MNAT1: variants seen among roughly 807,000 people sequenced by gnomAD.
The protein encoded by MNAT1 is CDK-activating kinase assembly factor MAT1.
Under a neutral mutation model 42.0 loss-of-function variants are expected in MNAT1, and 43 were observed. The observed-to-expected ratio is 1.02, with a 90% CI of 0.80 to 1.32. MNAT1 has a LOEUF of 1.32. Ranked by LOEUF, MNAT1 falls within the 40% of genes most tolerant of loss-of-function variation. MNAT1 has a pLI of 0.00. For missense variants in MNAT1, 306 were observed against 350.4 expected, an observed-to-expected ratio of 0.87 and a Z score of 1.01; for synonymous variants, 118 against 120.0, an observed-to-expected ratio of 0.98 and a Z score of 0.11.
chr14:60,969,080 C>G lies in MNAT1; in HGVS notation c.*731C>G, dbSNP rs1179335276. On this transcript the variant is annotated 3_prime_UTR_variant, in exon 8 of 8. Coordinates refer to ENST00000261245, the MANE Select transcript of MNAT1 (RefSeq NM_002431.4). Reference sequence around the variant, plus strand: ...AATACTTAAATGATACCTTTCACCTCCAATGTAAGCTCATTTTATGATGAA... The same window carrying G: ...AATACTTAAATGATACCTTTCACCTGCAATGTAAGCTCATTTTATGATGAA... 6.6e-6 allele frequency: 1 copy of G among 152,402 alleles called. No individual in the cohort carries two copies. The highest frequency in any genetic ancestry group is 2.4e-5 in the African/African-American group (1 of 41,444). The allele number at this position is 152,402 out of a possible 1,614,324, so 9.4% of individuals were successfully genotyped here. A position where few individuals can be genotyped will look rare whatever the true frequency, so the allele number is the denominator to read the frequency against.
At chr14:60,939,909 G>C (rs899455555) in intron 7 of MNAT1, among the ~76,000 whole-genome samples, 2 of 152,038 alleles carry the variant, frequency 1.3e-5, no homozygotes, top group Admixed American at 1.3e-4. Context: ...TATGAATCTG[G>C]GTGCTCCTGT....
intron 6 of MNAT1, among the ~76,000 whole-genome samples, chr14:60,867,361 A>C (rs184882180): frequency 4.6e-4 from 70 of 152,224 alleles, no homozygotes; most frequent in African/African-American, 1.6e-3. Flanking sequence ...TAGGCATCAC[A>C]TTTTAAAAGA....
Position 60,958,723 on chromosome 14 carries a change from G to A in MNAT1, c.810-9506G>A, listed in dbSNP as rs1019674557. On this transcript the variant is annotated intron_variant, in intron 7 of 7. Coordinates refer to ENST00000261245, the MANE Select transcript of MNAT1 (RefSeq NM_002431.4). ...GCGATCTTGGCTCACTGCAAGCTCCGCCTCCTGGGTTCACACCATTCTCCT... is the reference window on the plus strand; with the variant it reads ...GCGATCTTGGCTCACTGCAAGCTCCACCTCCTGGGTTCACACCATTCTCCT... Among the ~76,000 whole-genome samples, 52 of 130,356 alleles carry A rather than the reference G, an allele frequency of 4.0e-4. 1 individual carries two copies. Among genetic ancestry groups the A allele is most frequent in the Non-Finnish European group, 1.2e-4 (8 of 64,324 alleles). 85.5% of individuals were successfully genotyped at this position (130,356 alleles called of 152,430 possible).
chr14:60,861,099 A>G (rs531096043), intron 6 of MNAT1, among the ~76,000 whole-genome samples: 1 of 152,190 alleles, frequency 6.6e-6, no homozygotes, highest in Non-Finnish European at 1.5e-5. Flanking sequence ...ATCAATTTTT[A>G]TCTTGTCTCA....
At chr14:60,736,019 C>T (rs1896297123) in intron 1 of MNAT1, among the ~76,000 whole-genome samples, 1 of 152,164 alleles carries the variant, frequency 6.6e-6, no homozygotes, top group Non-Finnish European at 1.5e-5. Flanking sequence ...GCATGATTAG[C>T]TGTAGCTATA....
chr14:60,876,406 TA>T (rs1374008749), intron 6 of MNAT1, among the ~76,000 whole-genome samples: 3 of 152,048 alleles, frequency 2.0e-5, no homozygotes, highest in South Asian at 2.1e-4. Flanking sequence ...AAAACTCATT[TA>T]AAAAAATTGT....
At chr14:60,798,523 T>C (rs545397801) in intron 3 of MNAT1, among the ~76,000 whole-genome samples, 1 of 152,314 alleles carries the variant, frequency 6.6e-6, no homozygotes, top group East Asian at 1.9e-4. Context: ...TAACCATATT[T>C]ATAGTGACTA....
intron 6 of MNAT1, among the ~76,000 whole-genome samples, chr14:60,865,177 A>G (rs544180126): frequency 6.6e-5 from 10 of 152,196 alleles, no homozygotes; most frequent in South Asian, 4.1e-4. Flanking sequence ...AGAAACTTCT[A>G]TCTTTTCACG....
At chr14:60,735,282 T>C (rs114921775) in intron 1 of MNAT1, among the ~76,000 whole-genome samples, 492 of 152,280 alleles carry the variant, frequency 3.2e-3, no homozygotes, top group African/African-American at 0.011. Context: ...CGTGGGGGAT[T>C]GGAGTGTTTA....
intron 4 of MNAT1, among the ~76,000 whole-genome samples, chr14:60,811,412 C>T (rs1423554197): frequency 6.7e-6 from 1 of 149,080 alleles, no homozygotes; most frequent in African/African-American, 2.5e-5. Context: ...AAGCGATTCT[C>T]CTGCCTCAGC....
At chr14:60,789,915 A>T (rs2031764535) in intron 1 of MNAT1, among the ~76,000 whole-genome samples, 1 of 152,178 alleles carries the variant, frequency 6.6e-6, no homozygotes, top group African/African-American at 2.4e-5. Flanking sequence ...GATAGTATTC[A>T]AAGTATGCTT....
chr14:60,902,828 GTTATATAT>G (rs1224267055), intron 7 of MNAT1, among the ~76,000 whole-genome samples: 57 of 151,934 alleles, frequency 3.8e-4, no homozygotes, highest in African/African-American at 1.3e-3. Context: ...GGTTCTTGCT[GTTATATAT>G]GAAAACTATT....
Position 60,968,906 on chromosome 14 carries a change from T to G in MNAT1, c.*557T>G, listed in dbSNP as rs1201576311. On this transcript the variant is annotated 3_prime_UTR_variant, in exon 8 of 8. Coordinates refer to ENST00000261245, the MANE Select transcript of MNAT1 (RefSeq NM_002431.4). ...CATGATAATGTCATTCCCTCAATAC[T>G]AAGGACTCAATGCCTGTTTTAAGCA... The G allele has an allele frequency of 5.1e-6, 1 of 194,492 alleles. No individual in the cohort carries two copies. Among genetic ancestry groups the G allele is most frequent in the Non-Finnish European group, 1.0e-5 (1 of 96,564 alleles). The allele number at this position is 194,492 out of a possible 1,614,324, so 12.0% of individuals were successfully genotyped here.
At chr14:60,810,202 T>C (rs1418938890) in intron 4 of MNAT1, among the ~76,000 whole-genome samples, 2 of 152,156 alleles carry the variant, frequency 1.3e-5, no homozygotes, top group Non-Finnish European at 2.9e-5. Context: ...AGTTGTAATG[T>C]CTCCTCTTTC....
chr14:60,876,127 A>T (rs2034431812), intron 6 of MNAT1, among the ~76,000 whole-genome samples: 1 of 152,028 alleles, frequency 6.6e-6, no homozygotes, highest in South Asian at 2.1e-4. Flanking sequence ...ACACTTTGAA[A>T]TAGGGATGTC....
rs57733236 is a variant in MNAT1 at position 60,914,154 on chromosome 14, G to A, written c.809+34319G>A. Among the ~76,000 whole-genome samples, 828 of 152,342 alleles carry A rather than the reference G, an allele frequency of 5.4e-3. 6 individuals carry two copies. The highest frequency in any genetic ancestry group is 0.019 in the African/African-American group (795 of 41,574). Reference sequence around the variant, plus strand: ...GCAGGATATAATCTCCTGGTGTGCCGTTTGTTAAGCCTGTTGGAAGAGCGC... The same window carrying A: ...GCAGGATATAATCTCCTGGTGTGCCATTTGTTAAGCCTGTTGGAAGAGCGC... On this transcript the variant is annotated intron_variant, in intron 7 of 7. Coordinates refer to ENST00000261245, the MANE Select transcript of MNAT1 (RefSeq NM_002431.4).
chr14:60,932,027 A>T (rs193067025), intron 7 of MNAT1, among the ~76,000 whole-genome samples: 4 of 151,860 alleles, frequency 2.6e-5, no homozygotes, highest in African/African-American at 4.8e-5. Flanking sequence ...ACTCTTACTA[A>T]TTTTTTCTGA....
chr14:60,883,239 G>A (rs1461704375), intron 7 of MNAT1, among the ~76,000 whole-genome samples: 1 of 152,036 alleles, frequency 6.6e-6, no homozygotes, highest in African/African-American at 2.4e-5. Flanking sequence ...GTTTCATCCT[G>A]ATTTGATTTT....
intron 1 of MNAT1, among the ~76,000 whole-genome samples, chr14:60,776,729 G>A (rs933662559): frequency 6.6e-6 from 1 of 152,188 alleles, no homozygotes; most frequent in Non-Finnish European, 1.5e-5. Context: ...GTTCCAGAGG[G>A]TGATGGGGAG....
Sources: allele counts gnomAD v4.1 joint callset (sites outside exome capture counted in the v4.1 genomes callset), GRCh38; gene constraint gnomAD v4.1.1; transcripts MANE v1.5; gene names NCBI Gene and HGNC (gene_info 2026-07-23, HGNC 2026-07-21).